The following WRNIP1 variants were observed in gnomAD, a reference collection of about 807,000 sequenced individuals.
WRNIP1 encodes the protein WRN helicase interacting protein 1, also known as ATPase WRNIP1.
In WRNIP1, 41 loss-of-function variants were observed where a neutral mutation model predicts 56.1. That is an observed-to-expected ratio of 0.73 (90% CI 0.57 to 0.95). WRNIP1 has a LOEUF of 0.95. WRNIP1 is among the 40% of genes least tolerant of loss of function. WRNIP1 has a pLI of 0.00. For synonymous variants in WRNIP1, 547 were observed against 398.1 expected (o/e 1.37, Z -4.45); for missense variants, 1,170 against 939.4 (o/e 1.25, Z -3.21).
At position 2,765,961 on chromosome 6, in the gene WRNIP1, G is replaced by A. The variant is rs1396349861; in HGVS notation, c.339G>A (p.Ala113=). 2 of 1,426,080 alleles carry A rather than the reference G, an allele frequency of 1.4e-6. No homozygotes were observed. The highest frequency in any genetic ancestry group is 1.5e-5 in the African/African-American group (1 of 67,634). 88.3% of individuals were successfully genotyped at this position (1,426,080 alleles called of 1,614,324 possible). Residue 113 remains alanine, a synonymous_variant, in exon 1 of 7, where the codon GCG becomes GCA. Coordinates refer to ENST00000380773, the MANE Select transcript of WRNIP1 (RefSeq NM_020135.3). ...GETESRESYD[A]PPTPSGARLI... is the part of the protein sequence containing the mutation. ...CCGAGAGCCGCGAGAGCTACGACGC[G>A]CCGCCCACACCCAGCGGCGCCCGCC...
At chr6:2,771,797 C>G (rs1765287739) in intron 3 of WRNIP1, among the ~76,000 whole-genome samples, 1 of 152,164 alleles carries the variant, frequency 6.6e-6, no homozygotes, top group Admixed American at 6.5e-5. Flanking sequence ...ATTCTCATTA[C>G]AGACGCATAG....
chr6:2,782,527 G>GC (rs1165927614), intron 4 of WRNIP1, among the ~76,000 whole-genome samples: 3 of 152,354 alleles, frequency 2.0e-5, no homozygotes, highest in Non-Finnish European at 4.4e-5. Context: ...CTTATGCTGA[G>GC]CACAGACCAG....
chr6:2,767,383 C>T (rs1765064640), intron 1 of WRNIP1, among the ~76,000 whole-genome samples: 1 of 152,250 alleles, frequency 6.6e-6, no homozygotes, highest in South Asian at 2.1e-4. Context: ...CTTTGAGATT[C>T]AGACTCGTTT....
In WRNIP1 at chr6:2,765,585, TGCGGCCGCGCCGGGCGCCGGGGAGG is replaced by T; in HGVS notation, c.-32_-8del. On this transcript the variant is annotated 5_prime_UTR_variant, in exon 1 of 7. Transcript: ENST00000380773. ...AGGCCTCCGCGTGCGCACGGGTTGC[TGCGGCCGCGCCGGGCGCCGGGGAGG>T]GCGGCGGCCGCCATGGAGGTGAGCG... The T allele has an allele frequency of 8.9e-6, 13 of 1,455,764 alleles. No individual in the cohort carries two copies. The highest frequency in any genetic ancestry group is 1.2e-5 in the Non-Finnish European group (13 of 1,110,136). 90.2% of individuals were successfully genotyped at this position (1,455,764 alleles called of 1,614,324 possible).
rs1244655108 is a variant in WRNIP1 at position 2,779,202 on chromosome 6, T to C, written c.1257-61T>C. On this transcript the variant is annotated intron_variant, in intron 3 of 6. Transcript: ENST00000380773. Reference sequence around the variant, plus strand: ...CTGAGAAGTATGAGTTTCTAAGACATGTGCAGAACAAGAAGTATGCAGCCT... The same window carrying C: ...CTGAGAAGTATGAGTTTCTAAGACACGTGCAGAACAAGAAGTATGCAGCCT... The C allele has an allele frequency of 5.2e-6, 8 of 1,536,626 alleles. No individual in the cohort carries two copies. The East Asian group carries it at 6.8e-5, about 13-fold the overall frequency.
Position 2,766,102 on chromosome 6 carries a change from G to A in WRNIP1, c.480G>A (p.Ala160=). ...CGTCTCCGCGCAGCTGGGACGAGGC[G>A]GAGGCGCAGGAGGAGGAGGAGGCCG... is the stretch of plus-strand genomic sequence containing the variant. The part of the protein sequence containing the change: ...GSASPRSWDE[A]EAQEEEEAVG... Residue 160 remains alanine, a synonymous_variant, in exon 1 of 7, where the codon GCG becomes GCA. Coordinates refer to ENST00000380773, the MANE Select transcript of WRNIP1 (RefSeq NM_020135.3). 3 of 1,316,872 alleles carry A rather than the reference G, an allele frequency of 2.3e-6. No homozygotes were observed. Among genetic ancestry groups the A allele is most frequent in the Non-Finnish European group, 2.9e-6 (3 of 1,040,880 alleles). 81.6% of individuals were successfully genotyped at this position (1,316,872 alleles called of 1,614,324 possible).
At chr6:2,784,774 C>T (rs1046554447) in intron 6 of WRNIP1, among the ~76,000 whole-genome samples, 3 of 151,834 alleles carry the variant, frequency 2.0e-5, no homozygotes, top group Non-Finnish European at 4.4e-5. Context: ...GTAAAAAGTC[C>T]TTCAGTTAAA....
rs1371899199 is a variant in WRNIP1, at chr6:2,765,819, C to T, written c.197C>T (p.Pro66Leu). Reference protein sequence around the residue: ...RAGERAKGPSPPGAKRRRLSE... With the variant: ...RAGERAKGPSLPGAKRRRLSE... The stretch of plus-strand genomic sequence containing the variant: ...GGGGAGCGGGCCAAGGGGCCCTCGC[C>T]GCCCGGCGCCAAGAGGCGGCGGCTG... The change falls in exon 1 of 7, where the codon CCG becomes CTG. Residue 66 changes from proline (P) to leucine (L), a missense_variant. Transcript: ENST00000380773. 1.5e-6 allele frequency: 2 copies of T among 1,354,952 alleles called. No homozygotes were observed. Among genetic ancestry groups the T allele is most frequent in the South Asian group, 1.8e-5 (1 of 55,714 alleles). 83.9% of individuals were successfully genotyped at this position (1,354,952 alleles called of 1,614,324 possible).
rs145102029 is a variant in WRNIP1, at chr6:2,775,485, G to C, written c.1257-3778G>C. ...TTTTCCTTAGTGGAAGAGATTTGTG[G>C]GGTTTGGTTTGTAATTTAGAGAGGG... On this transcript the variant is annotated intron_variant, in intron 3 of 6. Transcript: ENST00000380773. 3.2e-3 allele frequency among the ~76,000 whole-genome samples: 493 copies of C among 152,282 alleles called. 3 individuals carry two copies. The highest frequency in any genetic ancestry group is 0.011 in the African/African-American group (461 of 41,556).
At chr6:2,779,578 C>G in intron 4 of WRNIP1, 86 bp downstream of exon 4, 3 of 1,402,414 alleles carry the variant, frequency 2.1e-6, no homozygotes, top group Non-Finnish European at 2.9e-6. Flanking sequence ...TGACTGGGTT[C>G]CGGAAGCATT....
In WRNIP1 at chr6:2,770,188, C is replaced by T. The variant is rs1765214070; in HGVS notation, c.1083C>T (p.Ser361=). The T allele has an allele frequency of 1.9e-6, 3 of 1,614,192 alleles. No homozygotes were observed. The highest frequency in any genetic ancestry group is 2.5e-6 in the Non-Finnish European group (3 of 1,180,034). ...TLIGATTENP[S]FQVNAALLSR... is the part of the protein sequence containing the mutation. ...TTGGGGCAACCACTGAAAACCCTTC[C>T]TTCCAGGTCAACGCTGCTCTTCTGA... The change falls in exon 3 of 7, where the codon TCC becomes TCT. Residue 361 remains serine, a synonymous_variant. Coordinates refer to ENST00000380773, the MANE Select transcript of WRNIP1 (RefSeq NM_020135.3).
rs759911982 is a variant in WRNIP1 at position 2,765,800 on chromosome 6, C to T, written c.178C>T (p.Arg60Trp). The T allele has an allele frequency of 2.1e-5, 29 of 1,404,402 alleles. No homozygotes were observed. Among genetic ancestry groups the T allele is most frequent in the Non-Finnish European group, 2.5e-5 (27 of 1,080,566 alleles). 87.0% of individuals were successfully genotyped at this position (1,404,402 alleles called of 1,614,324 possible). A position where few individuals can be genotyped will look rare whatever the true frequency, so the allele number is the denominator to read the frequency against. The stretch of plus-strand genomic sequence containing the variant: ...GGCCGGGTCGCACCGCGCCGGGGAG[C>T]GGGCCAAGGGGCCCTCGCCGCCCGG... ...PAAGSHRAGE[R>W]AKGPSPPGAK... Residue 60 changes from arginine (R) to tryptophan (W), a missense_variant, in exon 1 of 7, where the codon CGG (arginine) becomes TGG (tryptophan). By Grantham distance (101) the Arg-to-Trp change is moderately radical. Coordinates refer to ENST00000380773, the MANE Select transcript of WRNIP1 (RefSeq NM_020135.3).
At chr6:2,769,656 A>AT (rs770523644) in intron 2 of WRNIP1, among the ~76,000 whole-genome samples, 4 of 152,224 alleles carry the variant, frequency 2.6e-5, no homozygotes, top group Admixed American at 6.5e-5. Flanking sequence ...TCATCTTAGT[A>AT]TTTTTTCCCC....
At chr6:2,781,412 T>C (rs1010711703) in intron 4 of WRNIP1, among the ~76,000 whole-genome samples, 4 of 152,182 alleles carry the variant, frequency 2.6e-5, no homozygotes, top group Non-Finnish European at 2.9e-5. Flanking sequence ...CACATAAATA[T>C]CATTCAGATC....
At chr6:2,779,572 T>A in intron 4 of WRNIP1, 80 bp downstream of exon 4, 9 of 1,434,948 alleles carry the variant, frequency 6.3e-6, no homozygotes, top group Non-Finnish European at 8.5e-6. Context: ...GAAGCCTGAC[T>A]GGGTTCCGGA....
chr6:2,784,489 T>C, intron 6 of WRNIP1, 86 bp downstream of exon 6: 2 of 1,391,556 alleles, frequency 1.4e-6, no homozygotes, highest in African/African-American at 1.4e-5. Flanking sequence ...ATGTCCCTCC[T>C]TCACCATTGG....
In WRNIP1 at chr6:2,783,424, G is replaced by A; in HGVS notation, c.1505G>A (p.Cys502Tyr). The change falls in exon 5 of 7, where the codon TGC becomes TAC. Residue 502 changes from cysteine to tyrosine, a missense_variant. Physicochemically the swap from Cys to Tyr is radical, Grantham distance 194. Transcript: ENST00000380773. ...YDRAGEEHYN[C>Y]ISALHKSMRG... is the part of the protein sequence containing the mutation. Reference sequence around the variant, plus strand: ...ATGTCAGGTGAGGAGCATTACAACTGCATCTCCGCCCTGCACAAGTCCATG... The same window carrying A: ...ATGTCAGGTGAGGAGCATTACAACTACATCTCCGCCCTGCACAAGTCCATG... 6.2e-7 allele frequency: 1 copy of A among 1,605,904 alleles called. No homozygotes were observed. The highest frequency in any genetic ancestry group is 1.7e-5 in the Admixed American group (1 of 59,408).
intron 3 of WRNIP1, among the ~76,000 whole-genome samples, chr6:2,778,664 C>T (rs1765486883): frequency 6.6e-6 from 1 of 152,134 alleles, no homozygotes; most frequent in Non-Finnish European, 1.5e-5. Flanking sequence ...TGCAGCATCC[C>T]AAGATTCCCC....
chr6:2,774,782 AAGTC>A (rs1256199880), intron 3 of WRNIP1, among the ~76,000 whole-genome samples: 2 of 152,202 alleles, frequency 1.3e-5, no homozygotes, highest in Non-Finnish European at 2.9e-5. Context: ...TTTGTGGAGA[AAGTC>A]AGTTTTGTTT....
Sources: gnomAD v4.1 joint callset for allele counts (sites outside exome capture counted in the v4.1 genomes callset) on GRCh38, gnomAD v4.1.1 for gene constraint, MANE v1.5 for transcripts, NCBI Gene and HGNC (gene_info 2026-07-23, HGNC 2026-07-21) for gene names.